The following IRF2 variants were observed in gnomAD, a reference collection of about 807,000 sequenced individuals.
The protein encoded by IRF2 is interferon regulatory factor 2.
Under a neutral mutation model 40.6 loss-of-function variants are expected in IRF2, and 15 were observed. The observed-to-expected ratio is 0.37, with a 90% CI of 0.25 to 0.57. The LOEUF (loss-of-function observed/expected upper bound fraction) is 0.57, where lower values mean the gene tolerates loss of function less well. IRF2 is among the 20% of genes least tolerant of loss of function. The pLI is 0.77. For synonymous variants in IRF2, 151 were observed against 165.5 expected, an observed-to-expected ratio of 0.91 and a Z score of 0.67; for missense variants, 317 against 455.7, an observed-to-expected ratio of 0.70 and a Z score of 2.77.
intron 1 of IRF2, among the ~76,000 whole-genome samples, chr4:184,436,661 G>T (rs1738091102): frequency 6.6e-6 from 1 of 152,164 alleles, no homozygotes; most frequent in South Asian, 2.1e-4. Context: ...TCTAGGCAGG[G>T]AGAAGGTGGC....
intron 1 of IRF2, among the ~76,000 whole-genome samples, chr4:184,450,414 T>A (rs1044154812): frequency 2.6e-5 from 4 of 152,264 alleles, no homozygotes; most frequent in Non-Finnish European, 5.9e-5. Context: ...ACTGTATTTA[T>A]ATTACACATT....
chr4:184,406,020 C>T (rs762636413), intron 6 of IRF2, among the ~76,000 whole-genome samples: 3 of 151,974 alleles, frequency 2.0e-5, no homozygotes, highest in Admixed American at 1.3e-4. Flanking sequence ...GGGCATATTG[C>T]GATGTAAGGG....
intron 2 of IRF2, among the ~76,000 whole-genome samples, chr4:184,426,010 G>A (rs1579843737): frequency 7.1e-6 from 1 of 141,378 alleles, no homozygotes; most frequent in Non-Finnish European, 1.5e-5. Context: ...TTGTTTGTTT[G>A]TTTGTTTTTG....
At chr4:184,468,121 C>G (rs1283104335) in intron 1 of IRF2, among the ~76,000 whole-genome samples, 2 of 152,156 alleles carry the variant, frequency 1.3e-5, no homozygotes, top group Admixed American at 1.3e-4. Flanking sequence ...AACCAAACGC[C>G]TAATTCTCCA....
intron 1 of IRF2, chr4:184,432,182 G>A (rs1737909129): frequency 6.6e-6 from 1 of 152,204 alleles, no homozygotes; most frequent in Admixed American, 6.5e-5. Context: ...CTGTGAATTT[G>A]CCTACTCACT....
chr4:184,420,237 T>A (rs571249723), intron 2 of IRF2, among the ~76,000 whole-genome samples: 1 of 152,324 alleles, frequency 6.6e-6, no homozygotes, highest in South Asian at 2.1e-4. Flanking sequence ...CTTACTCTTA[T>A]AATTTATTCT....
At chr4:184,454,299 T>C (rs1738833038) in intron 1 of IRF2, among the ~76,000 whole-genome samples, 1 of 152,224 alleles carries the variant, frequency 6.6e-6, no homozygotes, top group Non-Finnish European at 1.5e-5. Flanking sequence ...TTAATTATTA[T>C]GGAGACATCC....
chr4:184,440,168 A>C (rs568567688), intron 1 of IRF2, among the ~76,000 whole-genome samples: 3 of 152,094 alleles, frequency 2.0e-5, no homozygotes, highest in African/African-American at 4.8e-5. Context: ...TGGCCCTCCC[A>C]CCCATTGCCA....
intron 5 of IRF2, among the ~76,000 whole-genome samples, chr4:184,416,001 C>T (rs1737253510): frequency 1.3e-5 from 2 of 152,164 alleles, no homozygotes; most frequent in Admixed American, 1.3e-4. Flanking sequence ...GACTAAATAA[C>T]ATGAATCAAA....
At chr4:184,398,193 C>T (rs2149892863) in intron 7 of IRF2, among the ~76,000 whole-genome samples, 1 of 152,294 alleles carries the variant, frequency 6.6e-6, no homozygotes, top group South Asian at 2.1e-4. Flanking sequence ...CAAGCCCCTT[C>T]CCTTTCAGAA....
chr4:184,407,315 T>G (rs1334087751), intron 6 of IRF2: 1 of 1,170,892 alleles, frequency 8.5e-7, no homozygotes, highest in African/African-American at 1.6e-5. Flanking sequence ...AAGGAGTTTT[T>G]TCTTCTCCTT....
intron 1 of IRF2, among the ~76,000 whole-genome samples, chr4:184,452,261 T>C (rs930179790): frequency 6.6e-6 from 1 of 152,220 alleles, no homozygotes; most frequent in Non-Finnish European, 1.5e-5. Flanking sequence ...AAAGTGACCA[T>C]TGCTTCTTTC....
intron 1 of IRF2, among the ~76,000 whole-genome samples, chr4:184,453,272 A>C (rs1017068454): frequency 6.6e-6 from 1 of 152,236 alleles, no homozygotes; most frequent in Non-Finnish European, 1.5e-5. Context: ...ACTGACTTTT[A>C]AAAGTATTTT....
rs561413191 is a variant in IRF2, at chr4:184,408,505, C to T, written c.412-230G>A. On this transcript the variant is annotated intron_variant, in intron 5 of 8. Coordinates refer to ENST00000393593, the MANE Select transcript of IRF2 (RefSeq NM_002199.4). The surrounding 1 kb of genome is among the most constrained non-coding windows in gnomAD (Gnocchi z 4.9). The stretch of plus-strand genomic sequence containing the variant: ...CCATTTTCCTTCAAGGAAACGGTAC[C>T]GGCCCATCTGGCTTGCCTTTAGGAA... Among the ~76,000 whole-genome samples, 2 of 152,144 alleles carry T rather than the reference C, an allele frequency of 1.3e-5. No individual in the cohort carries two copies. Among genetic ancestry groups the T allele is most frequent in the Admixed American group, 1.3e-4 (2 of 15,278 alleles).
In IRF2 at chr4:184,466,066, T is replaced by G. The variant is rs554134549; in HGVS notation, c.-7+8313A>C. Among the ~76,000 whole-genome samples the G allele has an allele frequency of 2.5e-3, 294 of 115,832 alleles. 7 individuals are homozygous for G. Among genetic ancestry groups the G allele is most frequent in the African/African-American group, 7.4e-3 (264 of 35,440 alleles). 76.0% of individuals were successfully genotyped at this position (115,832 alleles called of 152,430 possible). On this transcript the variant is annotated intron_variant, in intron 1 of 8. Transcript: ENST00000393593. ...TCCCATCTGGTTGTTTTTTGTTTTT[T>G]GTTTTTTTTTTGAGATGAAGTCTCA...
chr4:184,406,063 G>C (rs1362023156), intron 6 of IRF2, among the ~76,000 whole-genome samples: 1 of 152,024 alleles, frequency 6.6e-6, no homozygotes, highest in Non-Finnish European at 1.5e-5. Context: ...ATCTTGCTAA[G>C]AGCATTCTAG....
At chr4:184,415,948 T>C (rs1040805483) in intron 5 of IRF2, among the ~76,000 whole-genome samples, 3 of 152,204 alleles carry the variant, frequency 2.0e-5, no homozygotes, top group African/African-American at 7.2e-5. Context: ...CACTTGAAAT[T>C]GTAGCAAATT....
intron 1 of IRF2, among the ~76,000 whole-genome samples, chr4:184,460,808 G>C (rs1739118013): frequency 6.6e-6 from 1 of 152,058 alleles, no homozygotes; most frequent in African/African-American, 2.4e-5. Context: ...TGAGGAGAGG[G>C]TACTAAATGA....
chr4:184,460,557 A>G (rs765540404), intron 1 of IRF2, among the ~76,000 whole-genome samples: 95 of 152,278 alleles, frequency 6.2e-4, no homozygotes, highest in Non-Finnish European at 1.0e-3. Context: ...TGTTTCCTTC[A>G]GTGCTTTTAT....
Sources: gnomAD v4.1 joint callset for allele counts (sites outside exome capture counted in the v4.1 genomes callset) on GRCh38, gnomAD v4.1.1 for gene constraint, Gnocchi (gnomAD v3.1) non-coding constraint, MANE v1.5 for transcripts, NCBI Gene and HGNC (gene_info 2026-07-23, HGNC 2026-07-21) for gene names.